The following ARHGAP17 variants were observed in gnomAD, a reference collection of about 807,000 sequenced individuals.
ARHGAP17 encodes the protein Rho GTPase activating protein 17.
ARHGAP17 carries 57 observed loss-of-function variants against 99.5 expected under a neutral mutation model. The observed-to-expected ratio is 0.57, with a 90% confidence interval of 0.46 to 0.71. The LOEUF is 0.71. Ranked by LOEUF, ARHGAP17 falls within the 30% of genes least tolerant of loss-of-function variation. The pLI, the probability that ARHGAP17 is intolerant of heterozygous loss-of-function variation, is 0.00. For synonymous variants in ARHGAP17, 417 were observed against 429.6 expected (o/e 0.97, Z 0.36); for missense variants, 1,000 against 1,122.4 (o/e 0.89, Z 1.56).
At chr16:24,959,643 A>T in intron 9 of ARHGAP17, 28 bp downstream of exon 9, 1 of 1,607,636 alleles carries the variant, frequency 6.2e-7, no homozygotes, top group Non-Finnish European at 8.5e-7. Flanking sequence ...GCAAGAAGGA[A>T]GCATCAGCCG....
chr16:24,925,684 C>G (rs1338080382), intron 19 of ARHGAP17, among the ~76,000 whole-genome samples: 1 of 152,126 alleles, frequency 6.6e-6, no homozygotes, highest in African/African-American at 2.4e-5. Flanking sequence ...TATGTAGTCA[C>G]TGAAAAACAT....
At chr16:25,015,165 G>A (rs1159591086) in intron 1 of ARHGAP17, 44 bp downstream of exon 1, 3 of 1,168,350 alleles carry the variant, frequency 2.6e-6, no homozygotes, top group Non-Finnish European at 2.2e-6. Flanking sequence ...TCCGCCCTCC[G>A]CCCCCAGCCC....
At chr16:24,966,317 C>T (rs1161573072) in intron 6 of ARHGAP17, among the ~76,000 whole-genome samples, 2 of 151,826 alleles carry the variant, frequency 1.3e-5, no homozygotes, top group African/African-American at 2.4e-5. Context: ...GGCAACATAC[C>T]GAGACCAGGT....
rs767877640 is a variant in ARHGAP17, at chr16:24,943,836, G to A, written c.1268C>T (p.Thr423Ile). Residue 423 changes from threonine to isoleucine, a missense_variant, in exon 15 of 20, where the codon ACA (threonine) becomes ATA (isoleucine). Physicochemically the swap from Thr to Ile is moderately conservative, Grantham distance 89. This residue lies in a region of ARHGAP17 where 472 missense variants were observed against 611.1 expected (regional missense o/e 0.77). Transcript: ENST00000289968. ...AATCACTGCAACCACATGGACGGAT[G>A]TGGCTGCTGCCATTTCAGCAAGTGT... ...EGTLAEMAAA[T>I]SVHVVAVIEP... is the part of the protein sequence containing the mutation. 2.5e-5 allele frequency: 40 copies of A among 1,614,076 alleles called. No individual in the cohort carries two copies. The highest frequency in any genetic ancestry group is 3.3e-5 in the Non-Finnish European group (39 of 1,180,040).
intron 14 of ARHGAP17, among the ~76,000 whole-genome samples, chr16:24,947,149 G>A (rs1179184857): frequency 6.6e-6 from 1 of 152,180 alleles, no homozygotes; most frequent in Admixed American, 6.5e-5. Flanking sequence ...CTAAGAGGGT[G>A]GAAGTGCTAC....
chr16:24,950,564 G>A (rs566559653), intron 12 of ARHGAP17, among the ~76,000 whole-genome samples: 4 of 152,268 alleles, frequency 2.6e-5, no homozygotes, highest in African/African-American at 7.2e-5. Context: ...GCTGAGCGCG[G>A]TGGTTTATGC....
intron 3 of ARHGAP17, 74 bp from the exon 4 acceptor site, chr16:24,970,654 A>C: frequency 4.3e-6 from 6 of 1,392,808 alleles, no homozygotes; most frequent in Non-Finnish European, 6.1e-6. Flanking sequence ...TCAGATCATC[A>C]TTCATTAATT....
intron 19 of ARHGAP17, among the ~76,000 whole-genome samples, chr16:24,926,159 GGAGAA>G (rs1424222288): frequency 3.3e-5 from 5 of 150,732 alleles, no homozygotes; most frequent in African/African-American, 1.2e-4. Flanking sequence ...GAAGAGAAGA[GGAGAA>G]AAGAAAAAAA....
At chr16:24,937,409 G>A (rs1042902928) in intron 17 of ARHGAP17, among the ~76,000 whole-genome samples, 5 of 152,042 alleles carry the variant, frequency 3.3e-5, no homozygotes, top group East Asian at 3.9e-4. Context: ...GCAACAGAGC[G>A]AGACTTCGTC....
intron 6 of ARHGAP17, among the ~76,000 whole-genome samples, chr16:24,966,424 G>A (rs1256660338): frequency 6.6e-6 from 1 of 152,200 alleles, no homozygotes; most frequent in Non-Finnish European, 1.5e-5. Flanking sequence ...CCTGAGATCA[G>A]GAGTTTGAGA....
intron 1 of ARHGAP17, among the ~76,000 whole-genome samples, chr16:24,981,776 T>C (rs1212127482): frequency 1.3e-5 from 2 of 152,172 alleles, no homozygotes; most frequent in Non-Finnish European, 1.5e-5. Context: ...TTGATTGATA[T>C]GGCCAGGGGT....
In ARHGAP17 at chr16:24,947,523, C is replaced by T. The variant is rs1429564282; in HGVS notation, c.1200G>A (p.Ala400=). Residue 400 remains alanine (A), a synonymous_variant, in exon 14 of 20, where the codon GCG becomes GCA. Coordinates refer to ENST00000289968, the MANE Select transcript of ARHGAP17 (RefSeq NM_001006634.3). The part of the protein sequence containing the change: ...DVNKMTPSNI[A]IVLGPNLLWA... The stretch of plus-strand genomic sequence containing the variant: ...ATAACAAGTTAGGGCCTAACACAAT[C>T]GCAATGTTGCTGGGAGTCATTTTAT... The T allele has an allele frequency of 1.9e-6, 3 of 1,613,738 alleles. No individual in the cohort carries two copies. Among genetic ancestry groups the T allele is most frequent in the South Asian group, 2.2e-5 (2 of 91,080 alleles).
chr16:24,991,357 A>G, intron 1 of ARHGAP17, among the ~76,000 whole-genome samples: 1 of 152,226 alleles, frequency 6.6e-6, no homozygotes, highest in East Asian at 1.9e-4. Context: ...TCTGAGAATT[A>G]CAACAAATAA....
chr16:24,959,873 A>G, intron 8 of ARHGAP17, 38 bp downstream of exon 8: 1 of 1,609,128 alleles, frequency 6.2e-7, no homozygotes, highest in Non-Finnish European at 8.5e-7. Context: ...ACTCCATTTT[A>G]ACAATGCTTT....
At position 24,935,516 on chromosome 16, in the gene ARHGAP17, G is replaced by A. The variant is rs1467611311; in HGVS notation, c.1848C>T (p.Gly616=). 1.9e-6 allele frequency: 3 copies of A among 1,612,650 alleles called. No individual in the cohort carries two copies. The South Asian group carries it at 3.3e-5, about 18-fold the overall frequency. ...AAAGSHQLSM[G]QPHNAAGPSP... ...TGGGCCCTGCAGCATTGTGAGGTTG[G>A]CCCATGGAGAGCTGGTGGGAGCCAG... is the stretch of plus-strand genomic sequence containing the variant. The change falls in exon 18 of 20, where the codon GGC becomes GGT. Residue 616 remains glycine, a synonymous_variant. Transcript: ENST00000289968.
intron 9 of ARHGAP17, among the ~76,000 whole-genome samples, chr16:24,957,741 T>A (rs946558443): frequency 6.6e-6 from 1 of 151,794 alleles, no homozygotes; most frequent in Admixed American, 6.6e-5. Flanking sequence ...GGTAAGAAAA[T>A]GCAGGTGGCA....
chr16:24,924,060 C>T (rs763032238), intron 19 of ARHGAP17, among the ~76,000 whole-genome samples: 2 of 152,144 alleles, frequency 1.3e-5, no homozygotes, highest in African/African-American at 2.4e-5. Context: ...CAAATATGCC[C>T]TTGAAAGTAA....
chr16:24,974,201 A>C (rs1223611532), intron 3 of ARHGAP17, among the ~76,000 whole-genome samples: 1 of 152,196 alleles, frequency 6.6e-6, no homozygotes, highest in African/African-American at 2.4e-5. Context: ...GAGGCCGAGG[A>C]GGGAGGATCA....
chr16:25,013,421 G>A (rs1306387175), intron 1 of ARHGAP17, among the ~76,000 whole-genome samples: 1 of 152,092 alleles, frequency 6.6e-6, no homozygotes, highest in Non-Finnish European at 1.5e-5. Context: ...CCAGGAGTTC[G>A]AGACCACCCT....
Sources: gnomAD v4.1 joint callset for allele counts (sites outside exome capture counted in the v4.1 genomes callset) on GRCh38, gnomAD v4.1.1 for gene constraint, gnomAD v4.1.1 regional missense constraint, MANE v1.5 for transcripts, NCBI Gene and HGNC (gene_info 2026-07-23, HGNC 2026-07-21) for gene names.